Variants in SCFD2 observed in about 807,000 individuals in gnomAD.
SCFD2 encodes the protein sec1 family domain containing 2, also known as sec1 family domain-containing protein 2.
A neutral mutation model predicts 58.9 loss-of-function variants in SCFD2; 54 were observed. The observed-to-expected ratio is 0.92, with a 90% confidence interval of 0.74 to 1.15. The LOEUF (loss-of-function observed/expected upper bound fraction) is 1.15. Among genes scored for constraint, SCFD2 ranks in the 50% most tolerant of loss-of-function variants. The pLI is 0.00. For synonymous variants in SCFD2, 321 were observed against 335.9 expected (o/e 0.96, Z 0.49); for missense variants, 805 against 836.6 (o/e 0.96, Z 0.47).
At chr4:53,141,410 G>A (rs140798367) in intron 5 of SCFD2, among the ~76,000 whole-genome samples, 1 of 152,128 alleles carries the variant, frequency 6.6e-6, no homozygotes, top group East Asian at 1.9e-4. Context: ...CTTGTCTTTT[G>A]ACAAGATTGA....
chr4:53,156,654 A>C (rs67127007), intron 4 of SCFD2, among the ~76,000 whole-genome samples: 29,844 of 152,070 alleles, frequency 0.2, 3,086 homozygotes, highest in Admixed American at 0.26. Flanking sequence ...GCCGAGATTG[A>C]GCCACTGCGC....
intron 3 of SCFD2, among the ~76,000 whole-genome samples, chr4:53,301,451 A>G (rs1732289893): frequency 6.6e-6 from 1 of 151,802 alleles, no homozygotes. Context: ...AATTGAGGCA[A>G]TAATTAATAG....
chr4:52,882,798 C>A (rs1056695469), intron 8 of SCFD2, among the ~76,000 whole-genome samples: 5 of 152,210 alleles, frequency 3.3e-5, no homozygotes, highest in African/African-American at 1.2e-4. Flanking sequence ...CCTTAATAAA[C>A]TCCCCTTTAT....
In SCFD2 at chr4:53,196,548, G is replaced by A. The variant is rs1728063540; in HGVS notation, c.1312-50966C>T. Among the ~76,000 whole-genome samples, 2 of 152,124 alleles carry A rather than the reference G, an allele frequency of 1.3e-5. 1 individual carries two copies. Among genetic ancestry groups the A allele is most frequent in the South Asian group, 4.1e-4 (2 of 4,826 alleles). On this transcript the variant is annotated intron_variant, in intron 4 of 8. Transcript: ENST00000401642. Reference sequence around the variant, plus strand: ...GGCAAAGACCATTCGCGAGAGACTGGAACTAATTTAATGTGCTCCAGGTTT... The same window carrying A: ...GGCAAAGACCATTCGCGAGAGACTGAAACTAATTTAATGTGCTCCAGGTTT...
At chr4:53,184,343 G>C (rs1393776731) in intron 4 of SCFD2, among the ~76,000 whole-genome samples, 1 of 151,956 alleles carries the variant, frequency 6.6e-6, no homozygotes, top group African/African-American at 2.4e-5. Context: ...ACCTTAAAGG[G>C]AACATACTCT....
chr4:53,020,231 T>G (rs750060944), intron 5 of SCFD2, among the ~76,000 whole-genome samples: 1 of 152,264 alleles, frequency 6.6e-6, no homozygotes, highest in Non-Finnish European at 1.5e-5. Flanking sequence ...TACTTGCTAA[T>G]GTTAATTCAC....
chr4:53,113,030 T>C (rs1302460799), intron 5 of SCFD2, among the ~76,000 whole-genome samples: 5 of 152,126 alleles, frequency 3.3e-5, no homozygotes, highest in Admixed American at 2.0e-4. Context: ...AATCCTTAAA[T>C]TGGCATACAA....
intron 7 of SCFD2, among the ~76,000 whole-genome samples, chr4:52,888,587 C>G (rs1193065592): frequency 6.6e-6 from 1 of 152,188 alleles, no homozygotes; most frequent in Non-Finnish European, 1.5e-5. Context: ...TTGTCATCAT[C>G]TAACCTGACA....
intron 5 of SCFD2, among the ~76,000 whole-genome samples, chr4:52,944,342 T>C (rs906395157): frequency 1.3e-5 from 2 of 152,222 alleles, no homozygotes; most frequent in Non-Finnish European, 1.5e-5. Context: ...ATTGAAATTA[T>C]ATTGCTTTTA....
At chr4:53,341,095 C>A (rs62324336) in intron 2 of SCFD2, among the ~76,000 whole-genome samples, 9,825 of 152,262 alleles carry the variant, frequency 0.065, 405 homozygotes, top group Middle Eastern at 0.13. Flanking sequence ...AGCAACGGAA[C>A]AAAGCTGGAC....
chr4:53,134,246 A>G (rs1725873676), intron 5 of SCFD2, among the ~76,000 whole-genome samples: 1 of 152,186 alleles, frequency 6.6e-6, no homozygotes, highest in South Asian at 2.1e-4. Context: ...AAAGAGTAGA[A>G]CTTATTCTAC....
intron 5 of SCFD2, among the ~76,000 whole-genome samples, chr4:52,965,814 A>T (rs2109545752): frequency 6.6e-6 from 1 of 152,360 alleles, no homozygotes; most frequent in Non-Finnish European, 1.5e-5. Context: ...TTTCATAGTC[A>T]TAATAGGAAG....
Position 53,305,382 on chromosome 4 carries a change from C to A in SCFD2, c.1135+8254G>T, listed in dbSNP as rs538366731. On this transcript the variant is annotated intron_variant, in intron 3 of 8. Transcript: ENST00000401642. ...GTATGTGGACATCCAATTTTCCCAG[C>A]AGCATTTATTGAGACTATTCTTTCC... Among the ~76,000 whole-genome samples, 4 of 152,178 alleles carry A rather than the reference C, an allele frequency of 2.6e-5. No individual in the cohort carries two copies. In the South Asian group the frequency reaches 8.3e-4, roughly 32 times the overall value.
At chr4:53,331,329 T>G (rs1733457163) in intron 2 of SCFD2, among the ~76,000 whole-genome samples, 1 of 151,762 alleles carries the variant, frequency 6.6e-6, no homozygotes, top group Non-Finnish European at 1.5e-5. Flanking sequence ...ATTCCAAAAT[T>G]GACCACATAC....
rs182164486 is a variant in SCFD2, at chr4:52,878,700, A to T, written c.1963-4639T>A. On this transcript the variant is annotated intron_variant, in intron 8 of 8. Coordinates refer to ENST00000401642, the MANE Select transcript of SCFD2 (RefSeq NM_152540.4). Reference sequence around the variant, plus strand: ...ATATGACATTTAATTTTTAAAAAACATAATCATCAAACATGTGATAGTGGA... The same window carrying T: ...ATATGACATTTAATTTTTAAAAAACTTAATCATCAAACATGTGATAGTGGA... Among the ~76,000 whole-genome samples the T allele has an allele frequency of 7.9e-4, 120 of 152,360 alleles. 3 individuals carry two copies. The highest frequency in any genetic ancestry group is 7.5e-3 in the Admixed American group (115 of 15,308).
chr4:53,088,561 C>A (rs1724379340), intron 5 of SCFD2, among the ~76,000 whole-genome samples: 1 of 152,158 alleles, frequency 6.6e-6, no homozygotes, highest in Non-Finnish European at 1.5e-5. Flanking sequence ...CTATTTCTCC[C>A]TTTTGGAATG....
intron 4 of SCFD2, among the ~76,000 whole-genome samples, chr4:53,201,578 T>C (rs1473147778): frequency 1.3e-5 from 2 of 152,126 alleles, no homozygotes; most frequent in Admixed American, 6.5e-5. Flanking sequence ...TTTCTAGTTC[T>C]AGATCCCTGA....
At chr4:53,228,611 G>A (rs1053110744) in intron 4 of SCFD2, among the ~76,000 whole-genome samples, 23 of 151,970 alleles carry the variant, frequency 1.5e-4, no homozygotes, top group African/African-American at 5.3e-4. Flanking sequence ...GGTATTAATG[G>A]GACGTATCTC....
chr4:53,247,735 C>A (rs1031991588), intron 4 of SCFD2, among the ~76,000 whole-genome samples: 1 of 149,094 alleles, frequency 6.7e-6, no homozygotes, highest in Non-Finnish European at 1.5e-5. Context: ...GTGGCGGGCG[C>A]CTGTAGTCCC....
Sources: allele counts gnomAD v4.1 joint callset (sites outside exome capture counted in the v4.1 genomes callset), GRCh38; gene constraint gnomAD v4.1.1; transcripts MANE v1.5; gene names NCBI Gene and HGNC (gene_info 2026-07-23, HGNC 2026-07-21).